Variants in TAOK3 observed in about 807,000 individuals in gnomAD.
TAOK3 encodes TAO kinase 3.
In TAOK3, 40 loss-of-function variants were observed where a neutral mutation model predicts 120.4. The observed-to-expected ratio is 0.33, with a 90% CI of 0.26 to 0.43. The LOEUF (loss-of-function observed/expected upper bound fraction) is 0.43. Among genes scored for constraint, TAOK3 ranks in the 20% least tolerant of loss-of-function variants. The pLI is 1.00. For missense variants in TAOK3, 821 were observed against 1,112.1 expected (o/e 0.74, Z 3.72); for synonymous variants, 355 against 387.5 (o/e 0.92, Z 0.99).
At chr12:118,200,162 A>G (rs1219203843) in intron 12 of TAOK3, 10 of 152,222 alleles carry the variant, frequency 6.6e-5, no homozygotes, top group Admixed American at 5.9e-4. Flanking sequence ...GATCATTTCT[A>G]TATATGCAAT....
intron 17 of TAOK3, among the ~76,000 whole-genome samples, chr12:118,171,320 T>G (rs929337336): frequency 2.6e-5 from 4 of 152,144 alleles, no homozygotes; most frequent in African/African-American, 9.7e-5. Context: ...TTTCATGACT[T>G]CTATCTCTCT....
At chr12:118,333,200 A>G (rs2044224515) in intron 1 of TAOK3, among the ~76,000 whole-genome samples, 1 of 152,236 alleles carries the variant, frequency 6.6e-6, no homozygotes, top group Non-Finnish European at 1.5e-5. Context: ...CTCAAGTGCC[A>G]TGGAATATTC....
At chr12:118,292,088 TGAGC>T (rs1485151053) in intron 1 of TAOK3, among the ~76,000 whole-genome samples, 2 of 152,236 alleles carry the variant, frequency 1.3e-5, no homozygotes, top group African/African-American at 4.8e-5. Flanking sequence ...ATTACAGGAG[TGAGC>T]CACTGCGCCC....
At chr12:118,314,255 T>C (rs1237900691) in intron 1 of TAOK3, among the ~76,000 whole-genome samples, 1 of 152,226 alleles carries the variant, frequency 6.6e-6, no homozygotes, top group Non-Finnish European at 1.5e-5. Flanking sequence ...CAATGTTTCA[T>C]ATGGAATTTA....
intron 1 of TAOK3, among the ~76,000 whole-genome samples, chr12:118,343,991 G>C (rs1292220762): frequency 6.7e-6 from 1 of 150,070 alleles, no homozygotes; most frequent in East Asian, 2.0e-4. Context: ...CAGCCTGGGG[G>C]ACAGAGCGAG....
rs895643105 is a variant in TAOK3, at chr12:118,255,621, T to C, written c.-54A>G. 4.6e-6 allele frequency: 7 copies of C among 1,534,156 alleles called. 1 individual carries two copies. Among genetic ancestry groups the C allele is most frequent in the South Asian group, 2.5e-5 (2 of 78,642 alleles). On this transcript the variant is annotated 5_prime_UTR_variant, in exon 3 of 21. The change abolishes an upstream ATG in the 5' untranslated region. Coordinates refer to ENST00000392533, the MANE Select transcript of TAOK3 (RefSeq NM_016281.4). The stretch of plus-strand genomic sequence containing the variant: ...TGATATCAGTTAGCTTTATTTCTCA[T>C]TGACAATTTTTTTTGGGGGGTAAAT...
intron 1 of TAOK3, among the ~76,000 whole-genome samples, chr12:118,304,098 T>C (rs769457617): frequency 1.3e-5 from 2 of 152,204 alleles, no homozygotes; most frequent in Non-Finnish European, 2.9e-5. Flanking sequence ...TACTACTTGG[T>C]TATGAGGTGA....
At chr12:118,180,476 A>C (rs1338674041) in intron 15 of TAOK3, among the ~76,000 whole-genome samples, 1 of 149,292 alleles carries the variant, frequency 6.7e-6, no homozygotes, top group Non-Finnish European at 1.5e-5. Context: ...CGTGGGCTCA[A>C]GAGATCCACC....
rs188735557 is a variant in TAOK3 at position 118,151,021 on chromosome 12, A to T, written c.2673T>A (p.Asp891Glu). The change falls in exon 21 of 21, where the codon GAT becomes GAA. Residue 891 changes from aspartate to glutamate, a missense_variant. By Grantham distance (45) the Asp-to-Glu change is conservative. Transcript: ENST00000392533. Reference protein sequence around the residue: ...RMGFGNLVTLDFPKEDYR With the variant: ...RMGFGNLVTLEFPKEDYR ...CTCATCTGTAGTCCTCCTTAGGAAA[A>T]TCTAATGTAACCAAATTCCCAAATC... 1.3e-4 allele frequency: 216 copies of T among 1,612,048 alleles called. 1 individual carries two copies. The East Asian group carries it at 4.5e-3, about 34-fold the overall frequency.
chr12:118,317,084 G>A (rs1166137375), intron 1 of TAOK3, among the ~76,000 whole-genome samples: 2 of 151,864 alleles, frequency 1.3e-5, no homozygotes, highest in Admixed American at 6.6e-5. Flanking sequence ...CCAACATGGC[G>A]AAGCCCCGTC....
At chr12:118,155,697 G>A (rs2034774109) in intron 19 of TAOK3, among the ~76,000 whole-genome samples, 1 of 151,990 alleles carries the variant, frequency 6.6e-6, no homozygotes, top group Non-Finnish European at 1.5e-5. Context: ...TTATTCAAGG[G>A]TAATCATTGA....
At chr12:118,368,636 C>A (rs2045810494) in intron 1 of TAOK3, among the ~76,000 whole-genome samples, 1 of 149,834 alleles carries the variant, frequency 6.7e-6, no homozygotes, top group Non-Finnish European at 1.5e-5. Flanking sequence ...TGAAAAACCG[C>A]TTCTAATAAA....
At chr12:118,208,793 A>G (rs1186760736) in intron 11 of TAOK3, among the ~76,000 whole-genome samples, 1 of 151,710 alleles carries the variant, frequency 6.6e-6, no homozygotes, top group Non-Finnish European at 1.5e-5. Context: ...CTCACTGCAA[A>G]CTTCGCCTTC....
intron 1 of TAOK3, among the ~76,000 whole-genome samples, chr12:118,290,600 C>T (rs117865774): frequency 6.6e-6 from 1 of 152,298 alleles, no homozygotes; most frequent in East Asian, 1.9e-4. Context: ...TTATTTATTT[C>T]TGCCACCCAG....
At chr12:118,261,514 G>C (rs2041227622) in intron 2 of TAOK3, 1 of 152,222 alleles carries the variant, frequency 6.6e-6, no homozygotes, top group African/African-American at 2.4e-5. Context: ...ATTGTGCTGG[G>C]GCTGGGTGTG....
intron 15 of TAOK3, among the ~76,000 whole-genome samples, chr12:118,181,110 G>A (rs1383143943): frequency 6.6e-6 from 1 of 152,188 alleles, no homozygotes; most frequent in African/African-American, 2.4e-5. Flanking sequence ...CTCCCAAAGT[G>A]CTGGGATTAC....
At chr12:118,234,907 T>A (rs888250300) in intron 8 of TAOK3, among the ~76,000 whole-genome samples, 9 of 152,210 alleles carry the variant, frequency 5.9e-5, no homozygotes, top group Non-Finnish European at 7.3e-5. Flanking sequence ...TGAACAGAAC[T>A]GTACTCTATT....
chr12:118,183,653 A>T (rs2138947439), intron 14 of TAOK3, among the ~76,000 whole-genome samples: 1 of 152,340 alleles, frequency 6.6e-6, no homozygotes, highest in South Asian at 2.1e-4. Context: ...TACAACTTTA[A>T]GGAAGAAACA....
chr12:118,337,803 G>A (rs2044428091), intron 1 of TAOK3, among the ~76,000 whole-genome samples: 1 of 152,220 alleles, frequency 6.6e-6, no homozygotes, highest in South Asian at 2.1e-4. Flanking sequence ...TGATAATGTA[G>A]CCTCATGATA....
Sources: gnomAD v4.1 joint callset for allele counts (sites outside exome capture counted in the v4.1 genomes callset) on GRCh38, gnomAD v4.1.1 for gene constraint, MANE v1.5 for transcripts, NCBI Gene and HGNC (gene_info 2026-07-23, HGNC 2026-07-21) for gene names.